Variants in PTMA observed in about 807,000 individuals in gnomAD.
PTMA encodes the protein prothymosin alpha, also known as gene sequence 28.
Under a neutral mutation model 16.9 loss-of-function variants are expected in PTMA, and 4 were observed. That is an observed-to-expected ratio of 0.24 (90% confidence interval 0.12 to 0.54). PTMA has a LOEUF of 0.54. PTMA is among the 20% of genes least tolerant of loss of function. The pLI is 0.95. For missense variants in PTMA, 120 were observed against 137.7 expected, an observed-to-expected ratio of 0.87 and a Z score of 0.64; for synonymous variants, 58 against 47.9, an observed-to-expected ratio of 1.21 and a Z score of -0.87.
At chr2:231,711,646 C>T (rs973594322) in intron 2 of PTMA, 4 of 752,302 alleles carry the variant, frequency 5.3e-6, no homozygotes, top group Non-Finnish European at 8.5e-6. Flanking sequence ...AGAGGAGACT[C>T]CGGTAGTCTG....
Position 231,708,622 on chromosome 2 carries a change from C to G in PTMA, c.-85C>G. On this transcript the variant is annotated 5_prime_UTR_variant, in exon 1 of 5. Transcript: ENST00000409115. ...CCGCCGCGCGCCTCCTCCGCCGCCG[C>G]GGACTCCGGCAGCTTTATCGCCAGA... The G allele has an allele frequency of 6.4e-7, 1 of 1,563,106 alleles. No homozygotes were observed. Among genetic ancestry groups the G allele is most frequent in the Non-Finnish European group, 8.7e-7 (1 of 1,149,998 alleles).
intron 2 of PTMA, 147 bp downstream of exon 2, chr2:231,711,566 C>G (rs531790083): frequency 1.3e-6 from 1 of 797,580 alleles, no homozygotes; most frequent in Non-Finnish European, 2.0e-6. Context: ...GAGCTTTACC[C>G]GAGGCGCGAT....
chr2:231,710,174 G>A (rs1429744979), intron 1 of PTMA: 3 of 1,288,802 alleles, frequency 2.3e-6, no homozygotes, highest in East Asian at 3.1e-5. Context: ...GACTTGGCCC[G>A]CCGAATGCAG....
At chr2:231,711,063 GCTC>G (rs1001350611) in intron 1 of PTMA, 1 of 323,132 alleles carries the variant, frequency 3.1e-6, no homozygotes, top group African/African-American at 2.2e-5. Context: ...GCGCCACATG[GCTC>G]CTTTTTCCTG....
intron 1 of PTMA, chr2:231,709,893 A>G (rs1025359562): frequency 5.6e-5 from 19 of 339,864 alleles, no homozygotes; most frequent in Non-Finnish European, 8.1e-5. Context: ...CCCTGGCGTC[A>G]TCTCTGACTC....
At chr2:231,712,043 A>G (rs1443749350) in intron 3 of PTMA, 60 bp downstream of exon 3, 1 of 1,547,554 alleles carries the variant, frequency 6.5e-7, no homozygotes, top group African/African-American at 1.4e-5. Context: ...TGTCTGGCAG[A>G]AGGGGAAGGA....
At chr2:231,712,290 C>T (rs185930956) in intron 3 of PTMA, among the ~76,000 whole-genome samples, 153 bp from the exon 4 acceptor site, 35 of 152,320 alleles carry the variant, frequency 2.3e-4, no homozygotes, top group Middle Eastern at 6.8e-3. Flanking sequence ...GAGAGTCCCA[C>T]CTGTGTAGTG....
rs2048517179 is a variant in PTMA, at chr2:231,711,431, C to CT, written c.117+15dup. On this transcript the variant is annotated intron_variant, in intron 2 of 4. Coordinates refer to ENST00000409115, the MANE Select transcript of PTMA (RefSeq NM_002823.5). Reference sequence around the variant, plus strand: ...CTAACGGGAATGCTGTGAGTGTCTGCTTTGCTCCTGAGCCCTGGCAGCTAC... The same window carrying CT: ...CTAACGGGAATGCTGTGAGTGTCTGCTTTTGCTCCTGAGCCCTGGCAGCTAC... 6.2e-7 allele frequency: 1 copy of CT among 1,613,838 alleles called. No homozygotes were observed. Among genetic ancestry groups the CT allele is most frequent in the Non-Finnish European group, 8.5e-7 (1 of 1,179,688 alleles).
In PTMA at chr2:231,713,140, T is replaced by C; in HGVS notation, c.*289T>C. On this transcript the variant is annotated 3_prime_UTR_variant, in exon 5 of 5. Transcript: ENST00000409115. ...TTGTATTTTTTATTTACATTTTATATTTTTGTACATATTGTTAGGGTCAGC... is the reference window on the plus strand; with the variant it reads ...TTGTATTTTTTATTTACATTTTATACTTTTGTACATATTGTTAGGGTCAGC... 1 of 442,552 alleles carries C rather than the reference T, an allele frequency of 2.3e-6. No homozygotes were observed. The highest frequency in any genetic ancestry group is 4.3e-6 in the Non-Finnish European group (1 of 230,238). 27.4% of individuals were successfully genotyped at this position (442,552 alleles called of 1,614,324 possible). A position where few individuals can be genotyped will look rare whatever the true frequency, so the allele number is the denominator to read the frequency against.
intron 2 of PTMA, 195 bp from the exon 3 acceptor site, chr2:231,711,695 C>T (rs2048520614): frequency 9.5e-7 from 1 of 1,055,786 alleles, no homozygotes; most frequent in Non-Finnish European, 1.3e-6. Flanking sequence ...AGCCCTTGTC[C>T]TGGGGCAGTT....
rs1490087180 is a variant in PTMA at position 231,712,504 on chromosome 2, T to C, written c.273T>C (p.Ala91=). The change falls in exon 4 of 5, where the codon GCT becomes GCC. Residue 91 remains alanine, a synonymous_variant. Transcript: ENST00000409115. ...EAESATGKRA[A]EDDEDDDVDT... Reference sequence around the variant, plus strand: ...AGTCAGCTACGGGCAAGCGGGCAGCTGAAGATGATGAGGTGGGTTCTGGCT... The same window carrying C: ...AGTCAGCTACGGGCAAGCGGGCAGCCGAAGATGATGAGGTGGGTTCTGGCT... 4 of 1,614,160 alleles carry C rather than the reference T, an allele frequency of 2.5e-6. No individual in the cohort carries two copies. The highest frequency in any genetic ancestry group is 3.4e-6 in the Non-Finnish European group (4 of 1,180,022).
rs2048499544 is a variant in PTMA at position 231,710,263 on chromosome 2, G to A, written c.46-1085G>A. On this transcript the variant is annotated intron_variant, in intron 1 of 4. Transcript: ENST00000409115. ...CGACCGACGCGCGACCCGCGCGCGT[G>A]CCACTGCAAGCTCTGCCTGCCGGCC... The A allele has an allele frequency of 2.3e-6, 3 of 1,329,604 alleles. No individual in the cohort carries two copies. The East Asian group carries it at 8.9e-5, about 39-fold the overall frequency. 82.4% of individuals were successfully genotyped at this position (1,329,604 alleles called of 1,614,324 possible). A position where few individuals can be genotyped will look rare whatever the true frequency, so the allele number is the denominator to read the frequency against.
intron 1 of PTMA, 104 bp from the exon 2 acceptor site, chr2:231,711,244 G>A (rs1575352098): frequency 1.1e-6 from 1 of 896,088 alleles, no homozygotes. Context: ...TCTTAATTTG[G>A]GACGGACAGA....
Position 231,710,285 on chromosome 2 carries a change from G to A in PTMA, c.46-1063G>A, listed in dbSNP as rs551802670. ...CGTGCCACTGCAAGCTCTGCCTGCC[G>A]GCCGGGAGTCTCCAAGGCAAGGGAC... is the stretch of plus-strand genomic sequence containing the variant. On this transcript the variant is annotated intron_variant, in intron 1 of 4. Coordinates refer to ENST00000409115, the MANE Select transcript of PTMA (RefSeq NM_002823.5). The A allele has an allele frequency of 1.1e-5, 14 of 1,285,746 alleles. No individual in the cohort carries two copies. The East Asian group carries it at 3.6e-4, about 33-fold the overall frequency. The allele number at this position is 1,285,746 out of a possible 1,614,324, so 79.6% of individuals were successfully genotyped here. A position where few individuals can be genotyped will look rare whatever the true frequency, so the allele number is the denominator to read the frequency against.
At chr2:231,710,817 C>T (rs933743152) in intron 1 of PTMA, 3 of 308,112 alleles carry the variant, frequency 9.7e-6, no homozygotes, top group African/African-American at 2.4e-5. Context: ...TGTGCTTTGG[C>T]TTTTTTAGAT....
intron 1 of PTMA, chr2:231,710,776 C>T (rs1054260678): frequency 1.8e-5 from 6 of 328,132 alleles, no homozygotes; most frequent in African/African-American, 7.0e-5. Context: ...TTTGCGGCCT[C>T]TAGGAACAGC....
intron 1 of PTMA, chr2:231,710,988 G>A (rs2048511352): frequency 4.2e-6 from 1 of 239,000 alleles, no homozygotes; most frequent in Admixed American, 5.5e-5. Flanking sequence ...TTTGCACTTG[G>A]AAGCAGGCTG....
chr2:231,711,330 CCTT>C lies in PTMA; in HGVS notation c.46-13_46-11del, dbSNP rs2048515840. 1.9e-6 allele frequency: 3 copies of C among 1,610,540 alleles called. No individual in the cohort carries two copies. Among genetic ancestry groups the C allele is most frequent in the Non-Finnish European group, 1.7e-6 (2 of 1,176,828 alleles). On this transcript the variant is annotated splice_polypyrimidine_tract_variant and intron_variant, in intron 1 of 4. Coordinates refer to ENST00000409115, the MANE Select transcript of PTMA (RefSeq NM_002823.5). Reference sequence around the variant, plus strand: ...TCAGAAGACTTACTGGTTACTGGTTCCTTCTTCCCTTTTGAAGGACTTAAAGGA... The same window carrying C: ...TCAGAAGACTTACTGGTTACTGGTTCCTTCCCTTTTGAAGGACTTAAAGGA...
At chr2:231,710,074 C>G in intron 1 of PTMA, 1 of 1,231,144 alleles carries the variant, frequency 8.1e-7, no homozygotes, top group Non-Finnish European at 1.0e-6. Flanking sequence ...GGTGACTTCC[C>G]GCGAGGGCGA....
Sources: allele counts gnomAD v4.1 joint callset (sites outside exome capture counted in the v4.1 genomes callset), GRCh38; gene constraint gnomAD v4.1.1; transcripts MANE v1.5; gene names NCBI Gene and HGNC (gene_info 2026-07-23, HGNC 2026-07-21).